Variants in COPS2 observed in about 807,000 individuals in gnomAD.
COPS2 encodes COP9 signalosome complex subunit 2.
Under a neutral mutation model 66.1 loss-of-function variants are expected in COPS2, and 10 were observed. The observed-to-expected ratio is 0.15, with a 90% CI of 0.09 to 0.26. COPS2 has a LOEUF of 0.26. Ranked by LOEUF, COPS2 falls within the 10% of genes least tolerant of loss-of-function variation. The probability of loss-of-function intolerance (pLI) is 1.00; values close to 1 mark genes in which losing one functional copy is unlikely to be tolerated. For synonymous variants in COPS2, 179 were observed against 171.3 expected, an observed-to-expected ratio of 1.04 and a Z score of -0.35; for missense variants, 215 against 513.3, an observed-to-expected ratio of 0.42 and a Z score of 5.62.
intron 12 of COPS2, among the ~76,000 whole-genome samples, chr15:49,128,375 T>C (rs1002294416): frequency 6.6e-6 from 1 of 152,260 alleles, no homozygotes; most frequent in South Asian, 2.1e-4. Flanking sequence ...AACAATGTAC[T>C]GTTTTCAAGT....
intron 1 of COPS2, among the ~76,000 whole-genome samples, chr15:49,155,233 G>C (rs2084413688): frequency 6.6e-6 from 1 of 152,244 alleles, no homozygotes; most frequent in Non-Finnish European, 1.5e-5. Flanking sequence ...AGAAGACAGA[G>C]AACCGAACGC....
rs551883432 is a variant in COPS2 at position 49,143,978 on chromosome 15, A to G, written c.246+249T>C. 2.4e-4 allele frequency among the ~76,000 whole-genome samples: 34 copies of G among 141,070 alleles called. 1 individual carries two copies. Among genetic ancestry groups the G allele is most frequent in the African/African-American group, 6.4e-4 (23 of 36,108 alleles). 92.5% of individuals were successfully genotyped at this position (141,070 alleles called of 152,430 possible). A position where few individuals can be genotyped will look rare whatever the true frequency, so the allele number is the denominator to read the frequency against. On this transcript the variant is annotated intron_variant, in intron 3 of 12. Coordinates refer to ENST00000388901, the MANE Select transcript of COPS2 (RefSeq NM_004236.4). ...TCCAGCCTGGGTGACAGAGCGGGGG[A>G]AAAAAAAAAAAGGCAAATACTGTAA...
chr15:49,139,406 T>C (rs2084275300), intron 4 of COPS2, 122 bp downstream of exon 4: 2 of 749,878 alleles, frequency 2.7e-6, no homozygotes, highest in South Asian at 1.7e-5. Context: ...TTTTAAAGCA[T>C]ACTAATAACT....
Position 49,125,223 on chromosome 15 carries a change from A to C in COPS2, c.*2727T>G, listed in dbSNP as rs1457474193. 1 of 152,170 alleles carries C rather than the reference A, an allele frequency of 6.6e-6. No individual in the cohort carries two copies. The highest frequency in any genetic ancestry group is 1.5e-5 in the Non-Finnish European group (1 of 67,982). The allele number at this position is 152,170 out of a possible 1,614,324, so 9.4% of individuals were successfully genotyped here. A position where few individuals can be genotyped will look rare whatever the true frequency, so the allele number is the denominator to read the frequency against. On this transcript the variant is annotated 3_prime_UTR_variant, in exon 13 of 13. Coordinates refer to ENST00000388901, the MANE Select transcript of COPS2 (RefSeq NM_004236.4). ...TAGAAGGGACTCATGTAATGAGAGC[A>C]TTACTTAGTACATATATACTCATCT...
intron 1 of COPS2, among the ~76,000 whole-genome samples, chr15:49,154,400 G>T (rs758128649): frequency 1.3e-5 from 2 of 152,066 alleles, no homozygotes; most frequent in African/African-American, 2.4e-5. Flanking sequence ...ATAATAGCGA[G>T]AATTTCCTTT....
At chr15:49,128,188 C>CAA in intron 12 of COPS2, 94 bp from the exon 13 acceptor site, 2 of 1,183,090 alleles carry the variant, frequency 1.7e-6, no homozygotes, top group Non-Finnish European at 2.3e-6. Context: ...CAACAAATGC[C>CAA]AAAAAAAAAG....
Position 49,127,993 on chromosome 15 carries a change from T to C in COPS2, c.1289A>G (p.Gln430Arg). Residue 430 changes from glutamine (Q) to arginine (R), a missense_variant, in exon 13 of 13, where the codon CAA becomes CGA. Gln to Arg is a conservative substitution (Grantham distance 43). Coordinates refer to ENST00000388901, the MANE Select transcript of COPS2 (RefSeq NM_004236.4). ...TACAGCCTGGTTGAGAGAATTTAGT[T>C]GGTTGGTCCATTTATCTAGTGCAGT... ...RYTALDKWTN[Q>R]LNSLNQAVVS... is the part of the protein sequence containing the mutation. 6.2e-7 allele frequency: 1 copy of C among 1,614,036 alleles called. No individual in the cohort carries two copies. The highest frequency in any genetic ancestry group is 8.5e-7 in the Non-Finnish European group (1 of 1,179,916).
At chr15:49,140,924 G>C (rs1369350880) in intron 3 of COPS2, among the ~76,000 whole-genome samples, 1 of 146,662 alleles carries the variant, frequency 6.8e-6, no homozygotes, top group Admixed American at 6.8e-5. Context: ...GAAAACTTGA[G>C]AACAATCCCT....
intron 1 of COPS2, among the ~76,000 whole-genome samples, chr15:49,146,539 G>A (rs1048088126): frequency 3.3e-5 from 5 of 152,160 alleles, no homozygotes; most frequent in Non-Finnish European, 7.4e-5. Context: ...CAAAACAGGA[G>A]AGGATAAAGA....
chr15:49,128,240 C>T, intron 12 of COPS2, 146 bp from the exon 13 acceptor site: 1 of 695,910 alleles, frequency 1.4e-6, no homozygotes. Flanking sequence ...GTTTTAACTT[C>T]ACTGTGTTAT....
chr15:49,146,752 T>C (rs1328138163), intron 1 of COPS2, among the ~76,000 whole-genome samples: 1 of 152,164 alleles, frequency 6.6e-6, no homozygotes, highest in Middle Eastern at 3.2e-3. Context: ...TAAGTTCTAA[T>C]ATCCTCATGG....
intron 5 of COPS2, 30 bp from the exon 6 acceptor site, chr15:49,137,257 G>A (rs772037233): frequency 6.4e-7 from 1 of 1,556,894 alleles, no homozygotes; most frequent in South Asian, 1.2e-5. Context: ...TTAAAATCAA[G>A]ATTTCAACAG....
intron 3 of COPS2, among the ~76,000 whole-genome samples, chr15:49,143,961 G>C (rs955460046): frequency 6.7e-6 from 1 of 148,770 alleles, no homozygotes; most frequent in African/African-American, 2.5e-5. Flanking sequence ...ACTCCAGCCT[G>C]GGTGACAGAG....
intron 6 of COPS2, among the ~76,000 whole-genome samples, chr15:49,136,569 C>G (rs2084253332): frequency 6.6e-6 from 1 of 152,090 alleles, no homozygotes; most frequent in African/African-American, 2.4e-5. Context: ...ATAAAAATAT[C>G]TTTATTACAC....
intron 1 of COPS2, among the ~76,000 whole-genome samples, chr15:49,152,172 C>CAG (rs1200046059): frequency 1.2e-4 from 12 of 97,540 alleles, no homozygotes; most frequent in Non-Finnish European, 2.1e-4. Flanking sequence ...TACTAAGAAA[C>CAG]ATAAAAAAAA....
chr15:49,135,230 G>C lies in COPS2; in HGVS notation c.541-716C>G, dbSNP rs569149386. 2.0e-5 allele frequency among the ~76,000 whole-genome samples: 3 copies of C among 152,326 alleles called. No individual in the cohort carries two copies. In the East Asian group the frequency reaches 5.8e-4, roughly 29 times the overall value. On this transcript the variant is annotated intron_variant, in intron 6 of 12. Coordinates refer to ENST00000388901, the MANE Select transcript of COPS2 (RefSeq NM_004236.4). ...GTGGATAAGGGTTGGGAGGACTGCT[G>C]TACGTATGAAATGTTTTAATGTTTA...
At chr15:49,132,572 A>C (rs1026629947) in intron 9 of COPS2, among the ~76,000 whole-genome samples, 13 of 68,876 alleles carry the variant, frequency 1.9e-4, no homozygotes, top group Admixed American at 8.4e-4. Context: ...ATATATCTGC[A>C]AAAAAAAAAA....
At chr15:49,133,833 A>G (rs1175887195) in intron 8 of COPS2, 22 bp from the exon 9 acceptor site, 2 of 1,563,614 alleles carry the variant, frequency 1.3e-6, no homozygotes, top group Non-Finnish European at 1.7e-6. Flanking sequence ...AAAGAAAAAA[A>G]TTAAATATAT....
intron 2 of COPS2, 127 bp from the exon 3 acceptor site, chr15:49,144,431 C>A (rs572556202): frequency 1.7e-6 from 1 of 573,786 alleles, no homozygotes; most frequent in Non-Finnish European, 3.0e-6. Flanking sequence ...AAGGATACCA[C>A]CATTTCTCAA....
Sources: gnomAD v4.1 joint callset for allele counts (sites outside exome capture counted in the v4.1 genomes callset) on GRCh38, gnomAD v4.1.1 for gene constraint, MANE v1.5 for transcripts, NCBI Gene and HGNC (gene_info 2026-07-23, HGNC 2026-07-21) for gene names.